The following HORMAD1 variants were observed in gnomAD, a reference collection of about 807,000 sequenced individuals.
HORMAD1 encodes the protein HORMA domain containing 1, also known as HORMA domain-containing protein 1.
In HORMAD1, 33 loss-of-function variants were observed where a neutral mutation model predicts 58.2. The observed-to-expected ratio is 0.57, with a 90% CI of 0.43 to 0.76. The LOEUF (loss-of-function observed/expected upper bound fraction) is 0.76. Among genes scored for constraint, HORMAD1 ranks in the 30% least tolerant of loss-of-function variants. The pLI is 0.00. For synonymous variants in HORMAD1, 137 were observed against 144.6 expected (o/e 0.95, Z 0.38); for missense variants, 363 against 462.0 (o/e 0.79, Z 1.96).
chr1:150,713,807 CTT>C (rs1248633737), intron 5 of HORMAD1: 2 of 318,170 alleles, frequency 6.3e-6, no homozygotes, highest in Admixed American at 5.2e-5. Flanking sequence ...TGAAAAGACT[CTT>C]TAATTCATTA....
chr1:150,704,015 TC>T, intron 12 of HORMAD1, 102 bp downstream of exon 12: 1 of 721,698 alleles, frequency 1.4e-6, no homozygotes, highest in Non-Finnish European at 2.2e-6. Flanking sequence ...TGAATTTTAT[TC>T]TAAAAGACCT....
At chr1:150,706,532 T>C in intron 10 of HORMAD1, 21 bp downstream of exon 10, 1 of 1,559,498 alleles carries the variant, frequency 6.4e-7, no homozygotes, top group South Asian at 1.1e-5. Flanking sequence ...TTGTTCTTTA[T>C]AACTCTTGAA....
At chr1:150,711,965 A>C in intron 5 of HORMAD1, 112 bp from the exon 6 acceptor site, 1 of 734,658 alleles carries the variant, frequency 1.4e-6, no homozygotes. Context: ...ATAACAAATA[A>C]TCATTGCAGA....
intron 5 of HORMAD1, among the ~76,000 whole-genome samples, chr1:150,712,551 A>G (rs1190505753): frequency 6.6e-6 from 1 of 152,124 alleles, no homozygotes; most frequent in African/African-American, 2.4e-5. Flanking sequence ...AAAGTGATTT[A>G]AAACAATTAT....
chr1:150,712,535 G>A (rs1288423407), intron 5 of HORMAD1, among the ~76,000 whole-genome samples: 1 of 152,080 alleles, frequency 6.6e-6, no homozygotes, highest in Non-Finnish European at 1.5e-5. Flanking sequence ...TCTCTAAGTT[G>A]TAGGCAAAGT....
rs1045866208 is a variant in HORMAD1, at chr1:150,698,180, T to C, written c.*474A>G. 1 of 152,290 alleles carries C rather than the reference T, an allele frequency of 6.6e-6. No individual in the cohort carries two copies. The highest frequency in any genetic ancestry group is 1.5e-5 in the Non-Finnish European group (1 of 68,088). 9.4% of individuals were successfully genotyped at this position (152,290 alleles called of 1,614,324 possible). A position where few individuals can be genotyped will look rare whatever the true frequency, so the allele number is the denominator to read the frequency against. ...GCACCAATTCTTAAATTGTACATTATATATTAAAATGTTAATACATTATGT... is the reference window on the plus strand; with the variant it reads ...GCACCAATTCTTAAATTGTACATTACATATTAAAATGTTAATACATTATGT... On this transcript the variant is annotated 3_prime_UTR_variant, in exon 15 of 15. Transcript: ENST00000361824.
intron 14 of HORMAD1, among the ~76,000 whole-genome samples, chr1:150,699,868 C>A (rs1651485614): frequency 6.6e-6 from 1 of 151,968 alleles, no homozygotes; most frequent in Admixed American, 6.6e-5. Context: ...CCTCCAATTA[C>A]TTTAAATCAT....
intron 12 of HORMAD1, 49 bp from the exon 13 acceptor site, chr1:150,703,442 T>C (rs1347149971): frequency 2.0e-6 from 2 of 1,015,694 alleles, no homozygotes; most frequent in African/African-American, 3.3e-5. Flanking sequence ...TAATAAAACC[T>C]TTTCATAACA....
rs1491096842 is a variant in HORMAD1 at position 150,704,197 on chromosome 1, GTA to G, written c.872-5_872-4del. The G allele has an allele frequency of 1.5e-6, 2 of 1,337,994 alleles. No individual in the cohort carries two copies. The highest frequency in any genetic ancestry group is 2.1e-6 in the Non-Finnish European group (2 of 967,576). The allele number at this position is 1,337,994 out of a possible 1,614,324, so 82.9% of individuals were successfully genotyped here. ...TTCCTCACAAACTAAACTTGGTTCTGTAAAAAAAAAAAAAAAAAGTTACCCGG... is the reference window on the plus strand; with the variant it reads ...TTCCTCACAAACTAAACTTGGTTCTGAAAAAAAAAAAAAAAAGTTACCCGG... On this transcript the variant is annotated splice_polypyrimidine_tract_variant and splice_region_variant and intron_variant, in intron 11 of 14. Transcript: ENST00000361824.
chr1:150,720,493 T>C (rs1026293339), intron 1 of HORMAD1, among the ~76,000 whole-genome samples: 15 of 152,060 alleles, frequency 9.9e-5, no homozygotes, highest in Non-Finnish European at 1.5e-4. Context: ...AACCACTGTG[T>C]CCGGCCCCAG....
intron 7 of HORMAD1, among the ~76,000 whole-genome samples, chr1:150,710,847 G>A (rs1446235589): frequency 3.3e-5 from 5 of 152,158 alleles, no homozygotes; most frequent in South Asian, 4.1e-4. Flanking sequence ...CAGCTATAGC[G>A]TAATGGGTAA....
chr1:150,719,831 A>G (rs1652192334), intron 1 of HORMAD1, among the ~76,000 whole-genome samples: 1 of 152,206 alleles, frequency 6.6e-6, no homozygotes, highest in African/African-American at 2.4e-5. Flanking sequence ...TACAAATTCA[A>G]ACAATGACAA....
intron 3 of HORMAD1, among the ~76,000 whole-genome samples, chr1:150,715,890 A>AATAT (rs34175040): frequency 6.6e-6 from 1 of 150,508 alleles, no homozygotes. Context: ...AAAGGTATTG[A>AATAT]ATATATATAT....
chr1:150,711,264 A>G (rs587691936), intron 7 of HORMAD1, among the ~76,000 whole-genome samples: 2 of 152,322 alleles, frequency 1.3e-5, no homozygotes, highest in Admixed American at 1.3e-4. Flanking sequence ...AAATACTATA[A>G]AGAATTAGAC....
At chr1:150,714,264 A>G (rs1270505734) in intron 4 of HORMAD1, 143 bp from the exon 5 acceptor site, 2 of 538,786 alleles carry the variant, frequency 3.7e-6, no homozygotes, top group African/African-American at 2.0e-5. Flanking sequence ...AGCTTAAAAC[A>G]AGACAAAACA....
intron 5 of HORMAD1, 22 bp downstream of exon 5, chr1:150,714,063 A>T (rs1418872414): frequency 1.4e-6 from 2 of 1,415,450 alleles, no homozygotes; most frequent in Non-Finnish European, 2.0e-6. Flanking sequence ...AAAAAAAAGG[A>T]TAAAGAGATT....
chr1:150,711,769 T>C, intron 6 of HORMAD1, 64 bp downstream of exon 6: 1 of 1,154,034 alleles, frequency 8.7e-7, no homozygotes, highest in South Asian at 1.3e-5. Flanking sequence ...TTTAGTGTCA[T>C]TTAATTAAGC....
chr1:150,711,634 G>A, intron 6 of HORMAD1, 63 bp from the exon 7 acceptor site: 1 of 1,282,236 alleles, frequency 7.8e-7, no homozygotes, highest in Non-Finnish European at 1.1e-6. Flanking sequence ...TAAATTAGAT[G>A]TTTAGACTAA....
chr1:150,706,030 A>G (rs1314286696), intron 10 of HORMAD1, among the ~76,000 whole-genome samples: 1 of 152,258 alleles, frequency 6.6e-6, no homozygotes, highest in African/African-American at 2.4e-5. Flanking sequence ...CTTAGGACGC[A>G]CTAACTAGAA....
Sources: gnomAD v4.1 joint callset for allele counts (sites outside exome capture counted in the v4.1 genomes callset) on GRCh38, gnomAD v4.1.1 for gene constraint, MANE v1.5 for transcripts, NCBI Gene and HGNC (gene_info 2026-07-23, HGNC 2026-07-21) for gene names.